The following CLVS1 variants were observed in gnomAD, a reference collection of about 807,000 sequenced individuals.
CLVS1 encodes clavesin 1, also known as clavesin-1.
CLVS1 carries 10 observed loss-of-function variants against 33.1 expected under a neutral mutation model. The observed-to-expected ratio is 0.30, with a 90% CI of 0.19 to 0.51. The LOEUF (loss-of-function observed/expected upper bound fraction) is 0.51, where lower values mean the gene tolerates loss of function less well. CLVS1 is among the 20% of genes least tolerant of loss of function. The probability of loss-of-function intolerance (pLI) is 0.97; values close to 1 mark genes in which losing one functional copy is unlikely to be tolerated. For synonymous variants in CLVS1, 163 were observed against 166.1 expected, an observed-to-expected ratio of 0.98 and a Z score of 0.14; for missense variants, 343 against 433.4, an observed-to-expected ratio of 0.79 and a Z score of 1.85.
chr8:61,491,712 A>T (rs1442332208), intron 5 of CLVS1, among the ~76,000 whole-genome samples: 2 of 152,242 alleles, frequency 1.3e-5, no homozygotes, highest in Non-Finnish European at 2.9e-5. Context: ...TGATCAAAAA[A>T]GCAGGAGAAA....
intron 2 of CLVS1, among the ~76,000 whole-genome samples, chr8:61,346,975 G>A (rs745423616): frequency 2.0e-5 from 3 of 152,136 alleles, no homozygotes; most frequent in Non-Finnish European, 2.9e-5. Flanking sequence ...AAAAGACATC[G>A]CATATTAAGA....
At chr8:61,231,456 T>A (rs1808431740) in intron 2 of CLVS1, among the ~76,000 whole-genome samples, 3 of 152,300 alleles carry the variant, frequency 2.0e-5, no homozygotes, top group Admixed American at 6.5e-5. Flanking sequence ...GGTCTCTGTA[T>A]TTTTTAAAAG....
chr8:61,403,163 C>A (rs532919525), intron 3 of CLVS1, among the ~76,000 whole-genome samples: 1 of 152,044 alleles, frequency 6.6e-6, no homozygotes, highest in Non-Finnish European at 1.5e-5. Context: ...GAAAAATGTT[C>A]CAGATAGAAG....
At chr8:61,156,470 T>C (rs1479483463) in intron 2 of CLVS1, among the ~76,000 whole-genome samples, 4 of 152,210 alleles carry the variant, frequency 2.6e-5, no homozygotes, top group Non-Finnish European at 4.4e-5. Flanking sequence ...TTCAATAGAC[T>C]CAGACTTAAA....
chr8:61,263,603 T>C (rs1809249957), intron 2 of CLVS1, among the ~76,000 whole-genome samples: 1 of 152,156 alleles, frequency 6.6e-6, no homozygotes, highest in South Asian at 2.1e-4. Flanking sequence ...GCATTTCTAC[T>C]TTTTCTTTTT....
intron 5 of CLVS1, chr8:61,464,841 G>C (rs1817490896): frequency 6.6e-6 from 1 of 152,332 alleles, no homozygotes; most frequent in South Asian, 2.1e-4. Context: ...CTGGAGAGGA[G>C]GGATCAGCCC....
At chr8:61,488,024 T>C (rs1277356538) in intron 5 of CLVS1, among the ~76,000 whole-genome samples, 1 of 152,200 alleles carries the variant, frequency 6.6e-6, no homozygotes, top group African/African-American at 2.4e-5. Context: ...GACTGGCAGC[T>C]CTTTGTGCCA....
chr8:61,089,627 G>A (rs1805192342), intron 1 of CLVS1, among the ~76,000 whole-genome samples: 1 of 152,140 alleles, frequency 6.6e-6, no homozygotes, highest in African/African-American at 2.4e-5. Flanking sequence ...AAGTTATGAA[G>A]AATCTACCAG....
chr8:61,267,162 T>TTACCCACTCAGTCCTTCACAGCA (rs1451598071), intron 2 of CLVS1, among the ~76,000 whole-genome samples: 8 of 152,254 alleles, frequency 5.3e-5, no homozygotes, highest in Non-Finnish European at 1.2e-4. Flanking sequence ...AGTTTCCCTG[T>TTACCCACTCAGTCCTTCACAGCA]TACCCACTCA....
At position 61,352,861 on chromosome 8, in the gene CLVS1, A is replaced by T. The variant is rs112004517; in HGVS notation, c.456-23744A>T. Reference sequence around the variant, plus strand: ...CATAACATTCACATAGCATTTACATAGCATTAAGTATTATAAGTAATCTAG... The same window carrying T: ...CATAACATTCACATAGCATTTACATTGCATTAAGTATTATAAGTAATCTAG... On this transcript the variant is annotated intron_variant, in intron 2 of 5. Transcript: ENST00000325897. Among the ~76,000 whole-genome samples the T allele has an allele frequency of 5.9e-3, 893 of 152,160 alleles. 6 individuals are homozygous for T. Among genetic ancestry groups the T allele is most frequent in the Middle Eastern group, 0.02 (6 of 294 alleles).
chr8:61,023,816 C>T, the CLVS1 span, among the ~76,000 whole-genome samples: 1 of 152,134 alleles, frequency 6.6e-6, no homozygotes, highest in Admixed American at 6.5e-5. Context: ...AGCTCTCAGC[C>T]GCTGTGCTCA....
chr8:61,499,179 T>C (rs1804435109), intron 5 of CLVS1, among the ~76,000 whole-genome samples: 1 of 151,602 alleles, frequency 6.6e-6, no homozygotes, highest in African/African-American at 2.4e-5. Flanking sequence ...TGTCTTTATT[T>C]CTTATTTTTA....
the CLVS1 span, among the ~76,000 whole-genome samples, chr8:61,040,578 C>G: frequency 6.6e-6 from 1 of 152,164 alleles, no homozygotes; most frequent in Non-Finnish European, 1.5e-5. Flanking sequence ...TTGCATTTCT[C>G]TGACAATTAG....
chr8:61,406,768 C>T (rs918418272), intron 3 of CLVS1, among the ~76,000 whole-genome samples: 11 of 152,128 alleles, frequency 7.2e-5, no homozygotes, highest in Non-Finnish European at 1.2e-4. Context: ...CCACCTCTCC[C>T]GGCTAATTTT....
At chr8:61,311,691 C>T (rs1238032239) in intron 2 of CLVS1, among the ~76,000 whole-genome samples, 2 of 152,182 alleles carry the variant, frequency 1.3e-5, no homozygotes, top group Non-Finnish European at 2.9e-5. Context: ...AGCTGCTCCT[C>T]TGAAATTCTC....
the CLVS1 span, chr8:60,967,871 C>T: frequency 3.0e-6 from 1 of 333,648 alleles, no homozygotes; most frequent in Admixed American, 4.1e-5. Context: ...AAGTGACAAT[C>T]CTACATTGAT....
chr8:61,008,482 T>C, the CLVS1 span, among the ~76,000 whole-genome samples: 4 of 149,308 alleles, frequency 2.7e-5, no homozygotes, highest in Non-Finnish European at 5.9e-5. Flanking sequence ...TTTTTTTTTT[T>C]AAGAGCTAGG....
intron 2 of CLVS1, among the ~76,000 whole-genome samples, chr8:61,166,100 A>T (rs1585656562): frequency 1.6e-5 from 2 of 124,292 alleles, no homozygotes; most frequent in Admixed American, 9.2e-5. Context: ...CTCCCTCTTT[A>T]TAGGCCTTGC....
intron 1 of CLVS1, among the ~76,000 whole-genome samples, chr8:61,067,833 G>T (rs6982239): frequency 0.03 from 4,506 of 152,058 alleles, 259 homozygotes; most frequent in African/African-American, 0.1. Flanking sequence ...AAGGGGGAGG[G>T]AAAGTGGGGG....
Sources: allele counts gnomAD v4.1 joint callset (sites outside exome capture counted in the v4.1 genomes callset), GRCh38; gene constraint gnomAD v4.1.1; transcripts MANE v1.5; gene names NCBI Gene and HGNC (gene_info 2026-07-23, HGNC 2026-07-21).